PRDM6: variants seen among roughly 807,000 people sequenced by gnomAD.
The protein encoded by PRDM6 is putative histone-lysine N-methyltransferase PRDM6.
PRDM6 carries 25 observed loss-of-function variants against 60.8 expected under a neutral mutation model. The observed-to-expected ratio is 0.41, with a 90% CI of 0.30 to 0.57. The LOEUF (loss-of-function observed/expected upper bound fraction) is 0.57, where lower values mean the gene tolerates loss of function less well. Ranked by LOEUF, PRDM6 falls within the 20% of genes least tolerant of loss-of-function variation. The pLI is 0.27. For synonymous variants in PRDM6, 407 were observed against 357.4 expected (o/e 1.14, Z -1.57); for missense variants, 839 against 821.3 (o/e 1.02, Z -0.26).
intron 7 of PRDM6, 41 bp from the exon 8 acceptor site, chr5:123,187,046 C>T: frequency 6.9e-7 from 1 of 1,442,856 alleles, no homozygotes; most frequent in Non-Finnish European, 9.5e-7. Flanking sequence ...ACCCTGCAGG[C>T]CCCGCTCCCT....
chr5:123,100,027 C>T (rs1254536996), intron 3 of PRDM6, 66 bp downstream of exon 3: 16 of 1,421,480 alleles, frequency 1.1e-5, no homozygotes, highest in East Asian at 5.2e-5. Context: ...GAGCCTTGGC[C>T]GGCAGGGAGC....
At position 123,134,160 on chromosome 5, in the gene PRDM6, G is replaced by A. The variant is rs1580506390; in HGVS notation, c.901-21724G>A. Among the ~76,000 whole-genome samples the A allele has an allele frequency of 2.6e-5, 4 of 151,958 alleles. No individual in the cohort carries two copies. In the East Asian group the frequency reaches 5.8e-4, roughly 22 times the overall value. On this transcript the variant is annotated intron_variant, in intron 3 of 7. Transcript: ENST00000407847. ...ACTTCTTTTTCTCTCATAAAAACTC[G>A]AAATTTATCTGAAAAATAAATGTGG...
intron 5 of PRDM6, among the ~76,000 whole-genome samples, chr5:123,161,471 T>C (rs1765629395): frequency 6.6e-6 from 1 of 151,914 alleles, no homozygotes; most frequent in South Asian, 2.1e-4. Context: ...GAGTTGGGAG[T>C]TACAGTTTCA....
chr5:123,160,520 TAAG>T (rs1765603837), intron 5 of PRDM6, among the ~76,000 whole-genome samples: 1 of 152,238 alleles, frequency 6.6e-6, no homozygotes, highest in Non-Finnish European at 1.5e-5. Context: ...TGATAATGGA[TAAG>T]AAACTTCATT....
intron 3 of PRDM6, among the ~76,000 whole-genome samples, chr5:123,122,978 T>C (rs963169345): frequency 2.6e-5 from 4 of 152,220 alleles, no homozygotes; most frequent in African/African-American, 9.6e-5. Flanking sequence ...ATGGAAATCC[T>C]TATTTGAATC....
chr5:123,111,425 G>C (rs895223716), intron 3 of PRDM6, among the ~76,000 whole-genome samples: 1 of 152,210 alleles, frequency 6.6e-6, no homozygotes, highest in African/African-American at 2.4e-5. Flanking sequence ...CCGGCAGGGC[G>C]CGGTGGCTCA....
chr5:123,128,539 A>G (rs1011746222), intron 3 of PRDM6, among the ~76,000 whole-genome samples: 4 of 151,986 alleles, frequency 2.6e-5, no homozygotes, highest in African/African-American at 9.7e-5. Context: ...GGATTTTTTC[A>G]TGTGTCGTTT....
chr5:123,185,033 A>T (rs2126893788), intron 7 of PRDM6, among the ~76,000 whole-genome samples: 1 of 152,304 alleles, frequency 6.6e-6, no homozygotes, highest in Non-Finnish European at 1.5e-5. Flanking sequence ...TGACTATTAC[A>T]ACAAATTGTT....
rs566400428 is a variant in PRDM6 at position 123,167,684 on chromosome 5, C to T, written c.1154-3082C>T. On this transcript the variant is annotated intron_variant, in intron 5 of 7. Transcript: ENST00000407847. Reference sequence around the variant, plus strand: ...GATTACAGGCGTGAGCCACCACATCCGGCTCAGTTAGGTTACTTTCTAGGA... The same window carrying T: ...GATTACAGGCGTGAGCCACCACATCTGGCTCAGTTAGGTTACTTTCTAGGA... 2.3e-3 allele frequency among the ~76,000 whole-genome samples: 355 copies of T among 152,260 alleles called. 2 individuals carry two copies. Among genetic ancestry groups the T allele is most frequent in the Middle Eastern group, 3.4e-3 (1 of 294 alleles).
chr5:123,133,829 C>CA (rs35835120), intron 3 of PRDM6, among the ~76,000 whole-genome samples: 248 of 136,058 alleles, frequency 1.8e-3, no homozygotes, highest in Admixed American at 3.3e-3. Flanking sequence ...GTTTATCAAT[C>CA]AAAAAAAAAA....
Position 123,116,631 on chromosome 5 carries a change from GA to G in PRDM6, c.900+16680del, listed in dbSNP as rs1020999594. On this transcript the variant is annotated intron_variant, in intron 3 of 7. Coordinates refer to ENST00000407847, the MANE Select transcript of PRDM6 (RefSeq NM_001136239.4). ...TCAAACTCAATTATGTAGCATAAGT[GA>G]AAAAAAAAATTATTTTTCTGTTACA... 1.4e-3 allele frequency among the ~76,000 whole-genome samples: 206 copies of G among 150,796 alleles called. 1 individual carries two copies. The highest frequency in any genetic ancestry group is 4.2e-3 in the African/African-American group (173 of 41,100).
At chr5:123,094,607 T>C (rs543571642) in intron 2 of PRDM6, among the ~76,000 whole-genome samples, 136 of 152,282 alleles carry the variant, frequency 8.9e-4, no homozygotes, top group Non-Finnish European at 1.7e-3. Flanking sequence ...GGTGATAAAA[T>C]GGTCCATCAG....
At chr5:123,117,729 G>A (rs1028765907) in intron 3 of PRDM6, among the ~76,000 whole-genome samples, 4 of 151,980 alleles carry the variant, frequency 2.6e-5, no homozygotes, top group East Asian at 3.9e-4. Context: ...GAGCAGCCAC[G>A]GAGTGTGTCA....
At chr5:123,089,942 C>G (rs1285351678) in intron 1 of PRDM6, 58 bp from the exon 2 acceptor site, 18 of 1,334,192 alleles carry the variant, frequency 1.3e-5, no homozygotes, top group Non-Finnish European at 1.9e-5. Context: ...CAGTGGCCCT[C>G]TTCCCGGCCC....
chr5:123,172,730 G>A (rs1765920405), intron 6 of PRDM6, among the ~76,000 whole-genome samples: 1 of 152,076 alleles, frequency 6.6e-6, no homozygotes, highest in Non-Finnish European at 1.5e-5. Context: ...ATTATACCAG[G>A]TAAAATAAAA....
At chr5:123,182,763 T>G (rs1766192503) in intron 7 of PRDM6, among the ~76,000 whole-genome samples, 1 of 152,250 alleles carries the variant, frequency 6.6e-6, no homozygotes, top group Non-Finnish European at 1.5e-5. Context: ...TCTGTGTATA[T>G]GTTTTAGTTC....
chr5:123,108,062 AAC>A (rs999881821), intron 3 of PRDM6, among the ~76,000 whole-genome samples: 1 of 152,160 alleles, frequency 6.6e-6, no homozygotes, highest in African/African-American at 2.4e-5. Context: ...CACTCAGTAT[AAC>A]ACATGCTTTT....
At chr5:123,123,259 A>G (rs553385000) in intron 3 of PRDM6, among the ~76,000 whole-genome samples, 1 of 152,170 alleles carries the variant, frequency 6.6e-6, no homozygotes, top group South Asian at 2.1e-4. Flanking sequence ...AGATGACCTG[A>G]TTATATGCTT....
intron 3 of PRDM6, among the ~76,000 whole-genome samples, chr5:123,146,549 A>C (rs335170): frequency 0.48 from 72,321 of 151,968 alleles, 18,685 homozygotes; most frequent in Middle Eastern, 0.59. Context: ...TGTTAATACA[A>C]ATTTCTCTGT....
Sources: gnomAD v4.1 joint callset for allele counts (sites outside exome capture counted in the v4.1 genomes callset) on GRCh38, gnomAD v4.1.1 for gene constraint, MANE v1.5 for transcripts, NCBI Gene and HGNC (gene_info 2026-07-23, HGNC 2026-07-21) for gene names.